SPECC1: variants seen among roughly 807,000 people sequenced by gnomAD.
SPECC1 encodes cytospin-B.
Under a neutral mutation model 104.1 loss-of-function variants are expected in SPECC1, and 62 were observed. The observed-to-expected ratio is 0.60, with a 90% confidence interval of 0.49 to 0.74. SPECC1 has a LOEUF of 0.74. Among genes scored for constraint, SPECC1 ranks in the 30% least tolerant of loss-of-function variants. The pLI is 0.00. For synonymous variants in SPECC1, 513 were observed against 501.6 expected (o/e 1.02, Z -0.30); for missense variants, 1,306 against 1,310.5 (o/e 1.00, Z 0.05).
chr17:20,256,980 G>C (rs2039856846), intron 10 of SPECC1, among the ~76,000 whole-genome samples: 2 of 152,234 alleles, frequency 1.3e-5, no homozygotes, highest in African/African-American at 4.8e-5. Context: ...TAGCAAGCCA[G>C]GCCCTATGGC....
At chr17:20,096,853 A>G in intron 2 of SPECC1, 55 bp downstream of exon 2, 1 of 1,566,430 alleles carries the variant, frequency 6.4e-7, no homozygotes, top group South Asian at 1.2e-5. Flanking sequence ...CTGGGTTGGG[A>G]GGATTGAAGA....
At chr17:20,092,665 T>C (rs2047454464) in intron 1 of SPECC1, among the ~76,000 whole-genome samples, 1 of 152,222 alleles carries the variant, frequency 6.6e-6, no homozygotes, top group African/African-American at 2.4e-5. Context: ...AGCGCTCCGT[T>C]GAACACCATC....
intron 1 of SPECC1, among the ~76,000 whole-genome samples, chr17:20,016,450 G>T (rs1253195038): frequency 6.6e-6 from 1 of 152,180 alleles, no homozygotes; most frequent in African/African-American, 2.4e-5. Flanking sequence ...CCTCAGCTTT[G>T]CAGGGAGGTG....
intron 1 of SPECC1, among the ~76,000 whole-genome samples, chr17:20,057,382 A>G (rs937934360): frequency 2.0e-5 from 3 of 152,224 alleles, no homozygotes; most frequent in African/African-American, 7.2e-5. Flanking sequence ...CAGAGCTTGC[A>G]GTGAGCCAAG....
At chr17:20,225,954 A>C (rs2038176850) in intron 4 of SPECC1, among the ~76,000 whole-genome samples, 1 of 152,152 alleles carries the variant, frequency 6.6e-6, no homozygotes, top group Non-Finnish European at 1.5e-5. Flanking sequence ...TATTCATTAA[A>C]TGCCTCCTGT....
chr17:20,087,243 T>C (rs2047212685), intron 1 of SPECC1, among the ~76,000 whole-genome samples: 1 of 152,194 alleles, frequency 6.6e-6, no homozygotes, highest in South Asian at 2.1e-4. Context: ...AACCAAAAGT[T>C]TTAAAAGCCA....
intron 3 of SPECC1, among the ~76,000 whole-genome samples, chr17:20,195,647 T>C (rs1331404582): frequency 6.6e-6 from 1 of 151,812 alleles, no homozygotes; most frequent in Non-Finnish European, 1.5e-5. Flanking sequence ...AACCTCTGCC[T>C]CCCGGGTTCA....
At chr17:20,243,040 A>G (rs2039272960) in intron 7 of SPECC1, among the ~76,000 whole-genome samples, 2 of 152,180 alleles carry the variant, frequency 1.3e-5, no homozygotes, top group African/African-American at 4.8e-5. Flanking sequence ...CCAATCATGA[A>G]ATGCTGGAGG....
At chr17:20,251,689 G>A (rs2039638575) in intron 9 of SPECC1, among the ~76,000 whole-genome samples, 2 of 151,428 alleles carry the variant, frequency 1.3e-5, no homozygotes, top group African/African-American at 4.9e-5. Context: ...ATATCAACAT[G>A]AATATCAATA....
At chr17:20,303,619 T>G (rs2041663718) in intron 13 of SPECC1, among the ~76,000 whole-genome samples, 1 of 152,140 alleles carries the variant, frequency 6.6e-6, no homozygotes, top group Admixed American at 6.5e-5. Flanking sequence ...ATGTATGAAA[T>G]CTAAAATACA....
chr17:20,164,691 T>C (rs772630753), intron 3 of SPECC1, among the ~76,000 whole-genome samples: 25 of 152,194 alleles, frequency 1.6e-4, no homozygotes, highest in Non-Finnish European at 4.4e-5. Flanking sequence ...GTTTTGCCCT[T>C]ACCCTTTATA....
At position 20,205,048 on chromosome 17, in the gene SPECC1, C is replaced by T. The variant is rs2036682729; in HGVS notation, c.999C>T (p.His333=). 7 of 1,614,154 alleles carry T rather than the reference C, an allele frequency of 4.3e-6. No individual in the cohort carries two copies. The highest frequency in any genetic ancestry group is 5.9e-6 in the Non-Finnish European group (7 of 1,180,024). ...CGCCAGATGCTTCCGACTTTGAGCA[C>T]ATTACAGCAGAGACACCCTCAAGGC... ...SLSPDASDFE[H]ITAETPSRPL... is the part of the protein sequence containing the mutation. The change falls in exon 4 of 15, where the codon CAC becomes CAT. Residue 333 remains histidine, a synonymous_variant. Coordinates refer to ENST00000395527, the MANE Select transcript of SPECC1 (RefSeq NM_001243439.2).
At chr17:20,265,448 T>C (rs868833816) in intron 12 of SPECC1, among the ~76,000 whole-genome samples, 1 of 152,198 alleles carries the variant, frequency 6.6e-6, no homozygotes, top group South Asian at 2.1e-4. Context: ...TATTTTTTAA[T>C]GGGGTTATTT....
At chr17:20,092,935 G>A (rs1299927748) in intron 1 of SPECC1, among the ~76,000 whole-genome samples, 1 of 152,100 alleles carries the variant, frequency 6.6e-6, no homozygotes, top group Non-Finnish European at 1.5e-5. Context: ...ATTCAGAGAG[G>A]CCATCCGTCC....
intron 3 of SPECC1, among the ~76,000 whole-genome samples, chr17:20,201,423 A>C (rs1465946738): frequency 6.6e-6 from 1 of 152,246 alleles, no homozygotes; most frequent in African/African-American, 2.4e-5. Context: ...CAGAGGTTGC[A>C]GTGAGCTGAG....
intron 1 of SPECC1, among the ~76,000 whole-genome samples, chr17:20,033,850 A>C (rs1225347086): frequency 6.6e-6 from 1 of 152,196 alleles, no homozygotes; most frequent in African/African-American, 2.4e-5. Context: ...TAACAGGGTT[A>C]AACCCCTTAT....
intron 4 of SPECC1, among the ~76,000 whole-genome samples, chr17:20,214,244 T>A (rs2037346024): frequency 6.6e-6 from 1 of 152,264 alleles, no homozygotes; most frequent in African/African-American, 2.4e-5. Context: ...TTGCAAATAT[T>A]TCCTCTCATT....
chr17:20,131,367 C>T lies in SPECC1; in HGVS notation c.283+20805C>T, dbSNP rs986110648. Among the ~76,000 whole-genome samples the T allele has an allele frequency of 2.6e-5, 4 of 151,858 alleles. No homozygotes were observed. The South Asian group carries it at 6.2e-4, about 24-fold the overall frequency. ...AATTTTTTTGTATTTTTAGTAGAGA[C>T]GGGGTTTCACCATGTTGGCGAGGCT... On this transcript the variant is annotated intron_variant, in intron 3 of 14. Transcript: ENST00000395527.
At chr17:20,220,151 C>T (rs1280372038) in intron 4 of SPECC1, among the ~76,000 whole-genome samples, 1 of 151,960 alleles carries the variant, frequency 6.6e-6, no homozygotes, top group African/African-American at 2.4e-5. Context: ...ATGGCTTTGG[C>T]TATTCTGGGT....
Sources: gnomAD v4.1 joint callset for allele counts (sites outside exome capture counted in the v4.1 genomes callset) on GRCh38, gnomAD v4.1.1 for gene constraint, MANE v1.5 for transcripts, NCBI Gene and HGNC (gene_info 2026-07-23, HGNC 2026-07-21) for gene names.